Variants in ID1 observed in about 807,000 individuals in gnomAD.
The protein encoded by ID1 is DNA-binding protein inhibitor ID-1.
ID1 carries 8 observed loss-of-function variants against 11.3 expected under a neutral mutation model. The ratio of observed to expected loss-of-function variants is 0.71; its 90% CI spans 0.42 to 1.28. The LOEUF is 1.28. ID1 is among the 50% of genes most tolerant of loss of function. The probability of loss-of-function intolerance (pLI) is 0.01; values close to 1 mark genes in which losing one functional copy is unlikely to be tolerated. For missense variants in ID1, 347 were observed against 219.8 expected (o/e 1.58, Z -3.66); for synonymous variants, 176 against 100.2 (o/e 1.76, Z -4.52).
rs767383808 is a variant in ID1, at chr20:31,606,059, T to C, written c.433T>C (p.Cys145Arg). The C allele has an allele frequency of 6.2e-7, 1 of 1,610,794 alleles. No homozygotes were observed. Among genetic ancestry groups the C allele is most frequent in the Admixed American group, 1.7e-5 (1 of 60,020 alleles). The change falls in exon 2 of 2, where the codon TGC becomes CGC. Residue 145 changes from cysteine (C) to arginine (R), a missense_variant. Physicochemically the swap from Cys to Arg is radical, Grantham distance 180. Coordinates refer to ENST00000376112, the MANE Select transcript of ID1 (RefSeq NM_002165.4). The part of the protein sequence containing the change: ...EISALTAEAA[C>R]VPADDRILCR ...TTTCTTCTCGTTTTCACAGGCGGCA[T>C]GCGTTCCTGCGGACGATCGCATCTT...
chr20:31,606,023 C>T (rs554749102), intron 1 of ID1, 30 bp from the exon 2 acceptor site: 13 of 1,613,010 alleles, frequency 8.1e-6, no homozygotes, highest in African/African-American at 6.7e-5. Flanking sequence ...CCTTCCAACC[C>T]GCCGGTCTCA....
In ID1 at chr20:31,605,415, A is replaced by ACCG. The variant is rs774852785; in HGVS notation, c.36_38dup (p.Ala13dup). ...GAAAGTCGCCAGTGGCAGCACCGCC[A>ACCG]CCGCCGCCGCGGGCCCCAGCTGCGC... On this transcript the variant is annotated inframe_insertion, in exon 1 of 2. Transcript: ENST00000376112. The ACCG allele has an allele frequency of 6.2e-7, 1 of 1,604,176 alleles. No individual in the cohort carries two copies. Among genetic ancestry groups the ACCG allele is most frequent in the Non-Finnish European group, 8.5e-7 (1 of 1,177,826 alleles).
At position 31,605,421 on chromosome 20, in the gene ID1, G is replaced by A. The variant is rs775435836; in HGVS notation, c.34G>A (p.Ala12Thr). 160 of 1,605,186 alleles carry A rather than the reference G, an allele frequency of 1.0e-4. No homozygotes were observed. Among genetic ancestry groups the A allele is most frequent in the Middle Eastern group, 1.7e-4 (1 of 5,842 alleles). Reference sequence around the variant, plus strand: ...CGCCAGTGGCAGCACCGCCACCGCCGCCGCGGGCCCCAGCTGCGCGCTGAA... The same window carrying A: ...CGCCAGTGGCAGCACCGCCACCGCCACCGCGGGCCCCAGCTGCGCGCTGAA... ...KVASGSTATA[A>T]AGPSCALKAG... The change falls in exon 1 of 2, where the codon GCC (alanine) becomes ACC (threonine). Residue 12 changes from alanine to threonine, a missense_variant. By Grantham distance (58) the Ala-to-Thr change is moderately conservative. Transcript: ENST00000376112.
rs1264793193 is a variant in ID1 at position 31,606,199 on chromosome 20, C to T, written c.*105C>T. Reference sequence around the variant, plus strand: ...GCGCCTCGCCGGATCTGAGGGAGAACAAGACCGATCGGCGGCCACTGCGCC... The same window carrying T: ...GCGCCTCGCCGGATCTGAGGGAGAATAAGACCGATCGGCGGCCACTGCGCC... On this transcript the variant is annotated 3_prime_UTR_variant, in exon 2 of 2. Coordinates refer to ENST00000376112, the MANE Select transcript of ID1 (RefSeq NM_002165.4). 4 of 1,215,594 alleles carry T rather than the reference C, an allele frequency of 3.3e-6. No homozygotes were observed. Among genetic ancestry groups the T allele is most frequent in the Non-Finnish European group, 4.8e-6 (4 of 837,610 alleles). The allele number at this position is 1,215,594 out of a possible 1,614,324, so 75.3% of individuals were successfully genotyped here.
rs542914436 is a variant in ID1, at chr20:31,605,523, G to T, written c.136G>T (p.Ala46Ser). ...GCAGAGCGTGGCCATCTCGCGCTGC[G>T]CCGGGGGCGCCGGGGCGCGCCTGCC... ...SEQSVAISRC[A>S]GGAGARLPAL... The change falls in exon 1 of 2, where the codon GCC becomes TCC. Residue 46 changes from alanine (A) to serine (S), a missense_variant. By Grantham distance (99) the Ala-to-Ser change is moderately conservative. Coordinates refer to ENST00000376112, the MANE Select transcript of ID1 (RefSeq NM_002165.4). 3 of 1,560,484 alleles carry T rather than the reference G, an allele frequency of 1.9e-6. No homozygotes were observed. Among genetic ancestry groups the T allele is most frequent in the African/African-American group, 2.7e-5 (2 of 73,918 alleles).
At position 31,606,283 on chromosome 20, in the gene ID1, C is replaced by A; in HGVS notation, c.*189C>A. On this transcript the variant is annotated 3_prime_UTR_variant, in exon 2 of 2. Coordinates refer to ENST00000376112, the MANE Select transcript of ID1 (RefSeq NM_002165.4). ...GCACTGGCGAGGAGAGGGCGCTCCT[C>A]TCTGCACACCTACTAGTCACCAGAG... is the stretch of plus-strand genomic sequence containing the variant. 1.6e-6 allele frequency: 1 copy of A among 622,004 alleles called. No homozygotes were observed. Among genetic ancestry groups the A allele is most frequent in the Non-Finnish European group, 2.9e-6 (1 of 342,178 alleles). 38.5% of individuals were successfully genotyped at this position (622,004 alleles called of 1,614,324 possible). A position where few individuals can be genotyped will look rare whatever the true frequency, so the allele number is the denominator to read the frequency against.
intron 1 of ID1, 102 bp downstream of exon 1, chr20:31,605,915 G>A: frequency 5.1e-6 from 8 of 1,582,696 alleles, no homozygotes; most frequent in African/African-American, 1.3e-5. Context: ...ATCCTTGCGG[G>A]TACCTGGCTA....
rs544737583 is a variant in ID1, at chr20:31,605,308, T to C, written c.-80T>C. ...ACTCTCATTCCACGTTCTTAACTGTTCCATTTTCCGTATCTGCTTCGGGCT... is the reference window on the plus strand; with the variant it reads ...ACTCTCATTCCACGTTCTTAACTGTCCCATTTTCCGTATCTGCTTCGGGCT... On this transcript the variant is annotated 5_prime_UTR_variant, in exon 1 of 2. Transcript: ENST00000376112. 4 of 1,332,804 alleles carry C rather than the reference T, an allele frequency of 3.0e-6. No homozygotes were observed. In the African/African-American group the frequency reaches 4.5e-5, roughly 15 times the overall value. 82.6% of individuals were successfully genotyped at this position (1,332,804 alleles called of 1,614,324 possible).
rs369992276 is a variant in ID1 at position 31,605,383 on chromosome 20, G to C, written c.-5G>C. The C allele has an allele frequency of 5.6e-6, 9 of 1,597,650 alleles. No individual in the cohort carries two copies. The African/African-American group carries it at 9.5e-5, about 17-fold the overall frequency. ...CCATTCTGTTTCAGCCAGTCGCCAA[G>C]AATCATGAAAGTCGCCAGTGGCAGC... is the stretch of plus-strand genomic sequence containing the variant. On this transcript the variant is annotated 5_prime_UTR_variant, in exon 1 of 2. Transcript: ENST00000376112.
At position 31,606,166 on chromosome 20, in the gene ID1, C is replaced by A; in HGVS notation, c.*72C>A. The A allele has an allele frequency of 2.7e-6, 4 of 1,477,738 alleles. No homozygotes were observed. The highest frequency in any genetic ancestry group is 1.1e-5 in the South Asian group (1 of 87,290). 91.5% of individuals were successfully genotyped at this position (1,477,738 alleles called of 1,614,324 possible). A position where few individuals can be genotyped will look rare whatever the true frequency, so the allele number is the denominator to read the frequency against. On this transcript the variant is annotated 3_prime_UTR_variant, in exon 2 of 2. Coordinates refer to ENST00000376112, the MANE Select transcript of ID1 (RefSeq NM_002165.4). Reference sequence around the variant, plus strand: ...GAGGAATTACGTGCTCTGTGGGTCTCCCCCAACGCGCCTCGCCGGATCTGA... The same window carrying A: ...GAGGAATTACGTGCTCTGTGGGTCTACCCCAACGCGCCTCGCCGGATCTGA...
At position 31,605,304 on chromosome 20, in the gene ID1, CTGTT is replaced by C; in HGVS notation, c.-83_-80del. 1.6e-6 allele frequency: 2 copies of C among 1,287,426 alleles called. No individual in the cohort carries two copies. The highest frequency in any genetic ancestry group is 4.1e-5 in the Admixed American group (2 of 48,696). The allele number at this position is 1,287,426 out of a possible 1,614,324, so 79.8% of individuals were successfully genotyped here. On this transcript the variant is annotated 5_prime_UTR_variant, in exon 1 of 2. Coordinates refer to ENST00000376112, the MANE Select transcript of ID1 (RefSeq NM_002165.4). The stretch of plus-strand genomic sequence containing the variant: ...CCGCACTCTCATTCCACGTTCTTAA[CTGTT>C]CCATTTTCCGTATCTGCTTCGGGCT...
At position 31,606,072 on chromosome 20, in the gene ID1, A is replaced by G; in HGVS notation, c.446A>G (p.Asp149Gly). ...TCACAGGCGGCATGCGTTCCTGCGG[A>G]CGATCGCATCTTGTGTCGCTGAAGC... ...LTAEAACVPADDRILCR is the reference protein window; with the variant it reads ...LTAEAACVPAGDRILCR The change falls in exon 2 of 2, where the codon GAC becomes GGC. Residue 149 changes from aspartate to glycine, a missense_variant. Transcript: ENST00000376112. 3 of 1,609,772 alleles carry G rather than the reference A, an allele frequency of 1.9e-6. No individual in the cohort carries two copies. The highest frequency in any genetic ancestry group is 2.5e-6 in the Non-Finnish European group (3 of 1,179,996).
chr20:31,605,616 A>C lies in ID1; in HGVS notation c.229A>C (p.Lys77Gln), dbSNP rs773717427. 12 of 1,582,888 alleles carry C rather than the reference A, an allele frequency of 7.6e-6. No homozygotes were observed. The highest frequency in any genetic ancestry group is 1.0e-5 in the Non-Finnish European group (12 of 1,165,204). Residue 77 changes from lysine (K) to glutamine (Q), a missense_variant, in exon 1 of 2, where the codon AAG (lysine) becomes CAG (glutamine). By Grantham distance (53) the Lys-to-Gln change is moderately conservative. Coordinates refer to ENST00000376112, the MANE Select transcript of ID1 (RefSeq NM_002165.4). Reference protein sequence around the residue: ...YDMNGCYSRLKELVPTLPQNR... With the variant: ...YDMNGCYSRLQELVPTLPQNR... The stretch of plus-strand genomic sequence containing the variant: ...CATGAACGGCTGTTACTCACGCCTC[A>C]AGGAGCTGGTGCCCACCCTGCCCCA...
At position 31,606,290 on chromosome 20, in the gene ID1, C is replaced by T. The variant is rs1986109203; in HGVS notation, c.*196C>T. The stretch of plus-strand genomic sequence containing the variant: ...CGAGGAGAGGGCGCTCCTCTCTGCA[C>T]ACCTACTAGTCACCAGAGACTTTAG... On this transcript the variant is annotated 3_prime_UTR_variant, in exon 2 of 2. Transcript: ENST00000376112. 9.8e-6 allele frequency: 6 copies of T among 612,188 alleles called. No individual in the cohort carries two copies. In the East Asian group the frequency reaches 1.1e-4, roughly 11 times the overall value. 37.9% of individuals were successfully genotyped at this position (612,188 alleles called of 1,614,324 possible).
At chr20:31,605,892 C>G (rs1490798635) in intron 1 of ID1, 79 bp downstream of exon 1, 30 of 1,582,330 alleles carry the variant, frequency 1.9e-5, no homozygotes, top group Admixed American at 5.3e-5. Context: ...GGCGCTTGCA[C>G]CACTTCCGTC....
chr20:31,605,857 G>T (rs575338321), intron 1 of ID1, 44 bp downstream of exon 1: 41 of 1,597,558 alleles, frequency 2.6e-5, no homozygotes, highest in Middle Eastern at 1.7e-4. Context: ...ATACCGACGG[G>T]GAAACGGAGG....
intron 1 of ID1, 47 bp from the exon 2 acceptor site, chr20:31,606,006 C>T: frequency 6.2e-7 from 1 of 1,609,516 alleles, no homozygotes; most frequent in Non-Finnish European, 8.5e-7. Flanking sequence ...GCGCTCGGAG[C>T]GGCGTCCCTT....
In ID1 at chr20:31,605,933, G is replaced by C; in HGVS notation, c.426+120G>C. 5.0e-6 allele frequency: 8 copies of C among 1,588,976 alleles called. No individual in the cohort carries two copies. In the South Asian group the frequency reaches 6.8e-5, roughly 14 times the overall value. ...CTTGCGGGTACCTGGCTATGCGGGG[G>C]TGCCTAAGGAGCCTGGAAAAAGCGC... On this transcript the variant is annotated intron_variant, in intron 1 of 1. Transcript: ENST00000376112.
chr20:31,605,308 T>G lies in ID1; in HGVS notation c.-80T>G, dbSNP rs544737583. 4 of 1,332,804 alleles carry G rather than the reference T, an allele frequency of 3.0e-6. No homozygotes were observed. Among genetic ancestry groups the G allele is most frequent in the East Asian group, 2.4e-5 (1 of 40,946 alleles). The allele number at this position is 1,332,804 out of a possible 1,614,324, so 82.6% of individuals were successfully genotyped here. On this transcript the variant is annotated 5_prime_UTR_variant, in exon 1 of 2. Transcript: ENST00000376112. ...ACTCTCATTCCACGTTCTTAACTGTTCCATTTTCCGTATCTGCTTCGGGCT... is the reference window on the plus strand; with the variant it reads ...ACTCTCATTCCACGTTCTTAACTGTGCCATTTTCCGTATCTGCTTCGGGCT...
Sources: allele counts gnomAD v4.1 joint callset, GRCh38; gene constraint gnomAD v4.1.1; transcripts MANE v1.5; gene names NCBI Gene and HGNC (gene_info 2026-07-23, HGNC 2026-07-21).